Variants in TBX5 observed in about 807,000 individuals in gnomAD.
The protein encoded by TBX5 is T-box transcription factor TBX5.
A neutral mutation model predicts 51.1 loss-of-function variants in TBX5; 8 were observed. The observed-to-expected ratio is 0.16, with a 90% confidence interval of 0.09 to 0.28. The LOEUF (loss-of-function observed/expected upper bound fraction) is 0.28, where lower values mean the gene tolerates loss of function less well. Among genes scored for constraint, TBX5 ranks in the 10% least tolerant of loss-of-function variants. The probability of loss-of-function intolerance (pLI) is 1.00; values close to 1 mark genes in which losing one functional copy is unlikely to be tolerated. For missense variants in TBX5, 589 were observed against 671.7 expected, an observed-to-expected ratio of 0.88 and a Z score of 1.36; for synonymous variants, 302 against 266.4, an observed-to-expected ratio of 1.13 and a Z score of -1.30.
intron 7 of TBX5, among the ~76,000 whole-genome samples, chr12:114,372,763 T>A (rs912288723): frequency 5.3e-5 from 8 of 152,076 alleles, no homozygotes; most frequent in Admixed American, 4.6e-4. Flanking sequence ...TAATATAGTA[T>A]CAGAGTGGTA....
chr12:114,403,779 C>A lies in TBX5; in HGVS notation c.120G>T (p.Ser40=), dbSNP rs1245501344. ...GCTGGGTGAAGGCGGCCTGCGGGGA[C>A]GACGGGGACTTGCTGGGGGCCCCGA... The part of the protein sequence containing the change: ...SALGAPSKSP[S]SPQAAFTQQG... Residue 40 remains serine, a synonymous_variant, in exon 2 of 9, where the codon TCG becomes TCT. Coordinates refer to ENST00000405440, the MANE Select transcript of TBX5 (RefSeq NM_181486.4). 2.5e-6 allele frequency: 4 copies of A among 1,613,900 alleles called. No individual in the cohort carries two copies. The highest frequency in any genetic ancestry group is 2.5e-6 in the Non-Finnish European group (3 of 1,180,016).
chr12:114,397,905 A>G (rs1871526981), intron 5 of TBX5, among the ~76,000 whole-genome samples: 1 of 152,220 alleles, frequency 6.6e-6, no homozygotes, highest in South Asian at 2.1e-4. Context: ...CTCCCCTGGA[A>G]CATCCCAAAA....
At chr12:114,400,827 T>C (rs1420309982) in intron 3 of TBX5, among the ~76,000 whole-genome samples, 3 of 152,198 alleles carry the variant, frequency 2.0e-5, no homozygotes, top group South Asian at 2.1e-4. Context: ...GAGCAGACTT[T>C]GTTTAATTTT....
intron 8 of TBX5, among the ~76,000 whole-genome samples, chr12:114,361,757 G>A (rs551994330): frequency 8.5e-5 from 13 of 152,282 alleles, no homozygotes; most frequent in Admixed American, 7.8e-4. Context: ...CAACTGGAAG[G>A]AAACCTCGGC....
At chr12:114,408,293 A>T, upstream of TBX5, 1 of 843,448 alleles carries the variant, frequency 1.2e-6, no homozygotes, top group Non-Finnish European at 1.4e-6. Context: ...AGGGTGATGA[A>T]CATAAGACAC....
At chr12:114,403,329 G>C (rs1871958095) in intron 2 of TBX5, among the ~76,000 whole-genome samples, 1 of 152,220 alleles carries the variant, frequency 6.6e-6, no homozygotes, top group South Asian at 2.1e-4. Context: ...ATCAGAAGAG[G>C]GGTCAAGCCA....
chr12:114,407,124 T>G, upstream of TBX5: 1 of 985,030 alleles, frequency 1.0e-6, no homozygotes, highest in Non-Finnish European at 1.2e-6. Context: ...TAACCCTCTG[T>G]GACTGCTCTG....
intron 7 of TBX5, among the ~76,000 whole-genome samples, chr12:114,381,794 T>C (rs372441785): frequency 2.8e-4 from 42 of 152,186 alleles, no homozygotes; most frequent in Admixed American, 5.2e-4. Context: ...CAAGGACATG[T>C]CCAGAGACCT....
chr12:114,385,651 T>C, intron 6 of TBX5, 84 bp from the exon 7 acceptor site: 2 of 1,174,592 alleles, frequency 1.7e-6, no homozygotes, highest in South Asian at 1.2e-5. Flanking sequence ...ATAATAAATA[T>C]CATGGAAATG....
At chr12:114,402,027 C>G in intron 2 of TBX5, 107 bp from the exon 3 acceptor site, 1 of 1,013,664 alleles carries the variant, frequency 9.9e-7, no homozygotes, top group Non-Finnish European at 1.5e-6. Context: ...CCGCTGGAGC[C>G]TGTGGTCTCA....
chr12:114,382,689 C>T (rs941592960), intron 7 of TBX5, among the ~76,000 whole-genome samples: 1 of 152,060 alleles, frequency 6.6e-6, no homozygotes, highest in African/African-American at 2.4e-5. Context: ...TCCAGCTACT[C>T]AGGAGGCTGA....
At chr12:114,372,971 TATATATACATACACAC>T (rs1248489770) in intron 7 of TBX5, among the ~76,000 whole-genome samples, 1 of 115,984 alleles carries the variant, frequency 8.6e-6, no homozygotes, top group East Asian at 6.5e-4. Flanking sequence ...GCTTAGCGAA[TATATATACATACACAC>T]ACACACACAC....
At chr12:114,390,673 C>T (rs996127845) in intron 6 of TBX5, among the ~76,000 whole-genome samples, 1 of 152,152 alleles carries the variant, frequency 6.6e-6, no homozygotes, top group Non-Finnish European at 1.5e-5. Flanking sequence ...ATGATTTAAG[C>T]AGGAGGAAAA....
chr12:114,399,645 G>A lies in TBX5; in HGVS notation c.243-13C>T. On this transcript the variant is annotated splice_polypyrimidine_tract_variant and intron_variant, in intron 3 of 8. Transcript: ENST00000405440. Reference sequence around the variant, plus strand: ...GGGAAACATCCGCCTAAGAGAGAGGGACGGAGGGAGAGAGGGGGGCGGGAA... The same window carrying A: ...GGGAAACATCCGCCTAAGAGAGAGGAACGGAGGGAGAGAGGGGGGCGGGAA... 3.1e-6 allele frequency: 5 copies of A among 1,614,140 alleles called. No individual in the cohort carries two copies. Among genetic ancestry groups the A allele is most frequent in the Non-Finnish European group, 4.2e-6 (5 of 1,180,016 alleles).
At chr12:114,379,806 C>T (rs928015397) in intron 7 of TBX5, among the ~76,000 whole-genome samples, 1 of 152,214 alleles carries the variant, frequency 6.6e-6, no homozygotes, top group Non-Finnish European at 1.5e-5. Context: ...ACAGCAAACA[C>T]TTAACAAATG....
chr12:114,359,128 T>G (rs1233982756), intron 8 of TBX5, among the ~76,000 whole-genome samples: 1 of 152,224 alleles, frequency 6.6e-6, no homozygotes, highest in African/African-American at 2.4e-5. Flanking sequence ...GAACACATTT[T>G]GGAAAATCGT....
chr12:114,364,435 A>G (rs1302456952), intron 8 of TBX5, among the ~76,000 whole-genome samples: 2 of 152,220 alleles, frequency 1.3e-5, no homozygotes, highest in African/African-American at 4.8e-5. Flanking sequence ...CTATGAGACA[A>G]GTCGTACCCT....
In TBX5 at chr12:114,385,840, C is replaced by CT. The variant is rs35970834; in HGVS notation, c.664-274dup. Reference sequence around the variant, plus strand: ...TACTCTGCATCATTCCAGCTGGGTTCTTTTTTTTTTTTTTCCAATCTTGCA... The same window carrying CT: ...TACTCTGCATCATTCCAGCTGGGTTCTTTTTTTTTTTTTTTCCAATCTTGCA... On this transcript the variant is annotated intron_variant, in intron 6 of 8. Coordinates refer to ENST00000405440, the MANE Select transcript of TBX5 (RefSeq NM_181486.4). Among the ~76,000 whole-genome samples the CT allele has an allele frequency of 0.26, 37,396 of 144,110 alleles. 4,912 individuals are homozygous for CT. Among genetic ancestry groups the CT allele is most frequent in the South Asian group, 0.36 (1,614 of 4,538 alleles). The allele number at this position is 144,110 out of a possible 152,430, so 94.5% of individuals were successfully genotyped here.
rs1272483565 is a variant in TBX5 at position 114,355,367 on chromosome 12, CTG to C, written c.*163_*164del. 2 of 859,472 alleles carry C rather than the reference CTG, an allele frequency of 2.3e-6. No homozygotes were observed. Among genetic ancestry groups the C allele is most frequent in the African/African-American group, 3.3e-5 (2 of 59,936 alleles). The allele number at this position is 859,472 out of a possible 1,614,324, so 53.2% of individuals were successfully genotyped here. On this transcript the variant is annotated 3_prime_UTR_variant, in exon 9 of 9. Coordinates refer to ENST00000405440, the MANE Select transcript of TBX5 (RefSeq NM_181486.4). ...TTTTTAAAATTGTGGTTTCAAGCTACTGATTAGATCAGCATCCAGCGACCTTG... is the reference window on the plus strand; with the variant it reads ...TTTTTAAAATTGTGGTTTCAAGCTACATTAGATCAGCATCCAGCGACCTTG...
Sources: allele counts gnomAD v4.1 joint callset (sites outside exome capture counted in the v4.1 genomes callset), GRCh38; gene constraint gnomAD v4.1.1; transcripts MANE v1.5; gene names NCBI Gene and HGNC (gene_info 2026-07-23, HGNC 2026-07-21).